The following ICAM4 variants were observed in gnomAD, a reference collection of about 807,000 sequenced individuals.
The protein encoded by ICAM4 is intercellular adhesion molecule 4 (Landsteiner-Wiener blood group), also known as intercellular adhesion molecule 4.
A neutral mutation model predicts 18.8 loss-of-function variants in ICAM4; 16 were observed. The ratio of observed to expected loss-of-function variants is 0.85; its 90% confidence interval spans 0.58 to 1.29. The LOEUF (loss-of-function observed/expected upper bound fraction) is 1.29, where lower values mean the gene tolerates loss of function less well. Among genes scored for constraint, ICAM4 ranks in the 50% most tolerant of loss-of-function variants. The probability of loss-of-function intolerance (pLI) is 0.00; values close to 1 mark genes in which losing one functional copy is unlikely to be tolerated. For synonymous variants in ICAM4, 163 were observed against 163.2 expected (o/e 1.00, Z 0.01); for missense variants, 338 against 364.3 (o/e 0.93, Z 0.59).
In ICAM4 at chr19:10,288,032, C is replaced by T. The variant is rs773015279; in HGVS notation, c.744C>T (p.Ala248=). The T allele has an allele frequency of 6.2e-7, 1 of 1,614,158 alleles. No homozygotes were observed. ...CTTTGGCCTCCGGTTCCATCGCTGCCCTTGTAGGGATCCTCCTCACTGTGG... is the reference window on the plus strand; with the variant it reads ...CTTTGGCCTCCGGTTCCATCGCTGCTCTTGTAGGGATCCTCCTCACTGTGG... The part of the protein sequence containing the change: ...PTALASGSIA[A]LVGILLTVGA... Residue 248 remains alanine, a synonymous_variant, in exon 3 of 3, where the codon GCC becomes GCT. Coordinates refer to ENST00000380770, the MANE Select transcript of ICAM4 (RefSeq NM_001544.5).
Position 10,288,232 on chromosome 19 carries a change from G to C in ICAM4, c.*128G>C. On this transcript the variant is annotated 3_prime_UTR_variant, in exon 3 of 3. Transcript: ENST00000380770. Reference sequence around the variant, plus strand: ...GGAGGCCGAGGCAGGAGAATCGCTTGAGCCCAGGAGTTCGAGACCAGCCTG... The same window carrying C: ...GGAGGCCGAGGCAGGAGAATCGCTTCAGCCCAGGAGTTCGAGACCAGCCTG... 1 of 1,464,840 alleles carries C rather than the reference G, an allele frequency of 6.8e-7. No homozygotes were observed. Among genetic ancestry groups the C allele is most frequent in the African/African-American group, 1.4e-5 (1 of 72,228 alleles). 90.7% of individuals were successfully genotyped at this position (1,464,840 alleles called of 1,614,324 possible).
At position 10,287,554 on chromosome 19, in the gene ICAM4, T is replaced by C. The variant is rs147458509; in HGVS notation, c.413T>C (p.Ile138Thr). The change falls in exon 2 of 3, where the codon ATT becomes ACT. Residue 138 changes from isoleucine (I) to threonine (T), a missense_variant. By Grantham distance (89) the Ile-to-Thr change is moderately conservative. Coordinates refer to ENST00000380770, the MANE Select transcript of ICAM4 (RefSeq NM_001544.5). This position sits in a 1 kb window ranked among gnomAD's most constrained non-coding sequence, Gnocchi z 8.7. ...ITAYKPPHSV[I>T]LEPPVLKGRK... ...GCCTTAGAACCGCCCCACAGCGTGA[T>C]TTTGGAGCCTCCGGTCTTAAAGGGC... 8.1e-6 allele frequency: 13 copies of C among 1,613,212 alleles called. No individual in the cohort carries two copies. Among genetic ancestry groups the C allele is most frequent in the Non-Finnish European group, 1.1e-5 (13 of 1,179,542 alleles).
chr19:10,287,538 C>T lies in ICAM4; in HGVS notation c.397C>T (p.Pro133Ser), dbSNP rs2040126848. The part of the protein sequence containing the change: ...WATSRITAYK[P>S]PHSVILEPPV... ...TCAGAGGCTCCCCCTTGCCTTAGAACCGCCCCACAGCGTGATTTTGGAGCC... is the reference window on the plus strand; with the variant it reads ...TCAGAGGCTCCCCCTTGCCTTAGAATCGCCCCACAGCGTGATTTTGGAGCC... The change falls in exon 2 of 3, where the codon CCG becomes TCG. Residue 133 changes from proline (P) to serine (S), a missense_variant and splice_region_variant. Transcript: ENST00000380770. This position sits in a 1 kb window ranked among gnomAD's most constrained non-coding sequence, Gnocchi z 8.7. 1.2e-6 allele frequency: 2 copies of T among 1,612,576 alleles called. No individual in the cohort carries two copies. The highest frequency in any genetic ancestry group is 3.3e-5 in the Admixed American group (2 of 59,926).
chr19:10,287,014 T>TG lies in ICAM4; in HGVS notation c.6dup (p.Ser3_?2), dbSNP rs760719032. ...GCCCCTTAGTCCGGGCTTTTTGCCA[T>TG]GGGGTCTCTGTTCCCTCTGTCGCTG... On this transcript the variant is annotated frameshift_variant and start_lost, in exon 1 of 3. Transcript: ENST00000380770. LOFTEE classifies it high-confidence loss of function. This position sits in a 1 kb window ranked among gnomAD's most constrained non-coding sequence, Gnocchi z 8.7. The TG allele has an allele frequency of 6.6e-7, 1 of 1,515,642 alleles. No individual in the cohort carries two copies. Among genetic ancestry groups the TG allele is most frequent in the Non-Finnish European group, 8.8e-7 (1 of 1,134,472 alleles). The allele number at this position is 1,515,642 out of a possible 1,614,324, so 93.9% of individuals were successfully genotyped here.
chr19:10,288,298 A>C lies in ICAM4; in HGVS notation c.*194A>C. 7.3e-6 allele frequency: 6 copies of C among 822,790 alleles called. No individual in the cohort carries two copies. Among genetic ancestry groups the C allele is most frequent in the Non-Finnish European group, 9.8e-6 (5 of 512,008 alleles). The allele number at this position is 822,790 out of a possible 1,614,324, so 51.0% of individuals were successfully genotyped here. On this transcript the variant is annotated 3_prime_UTR_variant, in exon 3 of 3. Transcript: ENST00000380770. ...CCCCGTCTATGCAAAAAATACACAA[A>C]TTAGCCTGGTGTGGTGGCCCGCACC... is the stretch of plus-strand genomic sequence containing the variant.
At position 10,287,961 on chromosome 19, in the gene ICAM4, C is replaced by G. The variant is rs1191194178; in HGVS notation, c.698-25C>G. 4 of 1,613,814 alleles carry G rather than the reference C, an allele frequency of 2.5e-6. No individual in the cohort carries two copies. The African/African-American group carries it at 4.0e-5, about 16-fold the overall frequency. The stretch of plus-strand genomic sequence containing the variant: ...TCGACAGACCTCCCTGTGTTCCGTT[C>G]CTAATTCTCGCCTTCTGCTCCCAGC... On this transcript the variant is annotated intron_variant, in intron 2 of 2. Coordinates refer to ENST00000380770, the MANE Select transcript of ICAM4 (RefSeq NM_001544.5). This position sits in a 1 kb window ranked among gnomAD's most constrained non-coding sequence, Gnocchi z 8.7.
Position 10,287,983 on chromosome 19 carries a change from C to T in ICAM4, c.698-3C>T. On this transcript the variant is annotated splice_polypyrimidine_tract_variant and splice_region_variant and intron_variant, in intron 2 of 2. Coordinates refer to ENST00000380770, the MANE Select transcript of ICAM4 (RefSeq NM_001544.5). This position sits in a 1 kb window ranked among gnomAD's most constrained non-coding sequence, Gnocchi z 8.7. ...GTTCCTAATTCTCGCCTTCTGCTCC[C>T]AGCTTGGAGCCCCGCGCCCACAGCT... 6.2e-7 allele frequency: 1 copy of T among 1,614,094 alleles called. No individual in the cohort carries two copies. Among genetic ancestry groups the T allele is most frequent in the Non-Finnish European group, 8.5e-7 (1 of 1,180,010 alleles).
Position 10,287,485 on chromosome 19 carries a change from C to G in ICAM4, c.395-51C>G. On this transcript the variant is annotated intron_variant, in intron 1 of 2. Coordinates refer to ENST00000380770, the MANE Select transcript of ICAM4 (RefSeq NM_001544.5). This position sits in a 1 kb window ranked among gnomAD's most constrained non-coding sequence, Gnocchi z 8.7. ...GTGGGGGAAGGGTAGTTGACAGTCG[C>G]TCTATAGGGAGCGCCCGCGGACCTC... is the stretch of plus-strand genomic sequence containing the variant. 1 of 1,597,740 alleles carries G rather than the reference C, an allele frequency of 6.3e-7. No individual in the cohort carries two copies. The highest frequency in any genetic ancestry group is 8.5e-7 in the Non-Finnish European group (1 of 1,171,154).
Position 10,287,818 on chromosome 19 carries a change from C to T in ICAM4, c.677C>T (p.Ala226Val), listed in dbSNP as rs1211144226. 1.9e-6 allele frequency: 3 copies of T among 1,611,978 alleles called. No homozygotes were observed. The highest frequency in any genetic ancestry group is 3.3e-5 in the Admixed American group (2 of 60,000). Residue 226 changes from alanine (A) to valine (V), a missense_variant, in exon 2 of 3, where the codon GCA becomes GTA. Physicochemically the swap from Ala to Val is moderately conservative, Grantham distance 64 (BLOSUM62 0). Coordinates refer to ENST00000380770, the MANE Select transcript of ICAM4 (RefSeq NM_001544.5). The surrounding 1 kb of genome is among the most constrained non-coding windows in gnomAD (Gnocchi z 8.7). ...GGCCTGGTGGTCCGCAACAGCTCGG[C>T]ACCCATTACACTGATGCTCGGTGAG... is the stretch of plus-strand genomic sequence containing the variant. ...LDGLVVRNSSAPITLMLAWSP... is the reference protein window; with the variant it reads ...LDGLVVRNSSVPITLMLAWSP...
In ICAM4 at chr19:10,287,915, C is replaced by G; in HGVS notation, c.698-71C>G. 1 of 1,610,176 alleles carries G rather than the reference C, an allele frequency of 6.2e-7. No individual in the cohort carries two copies. The highest frequency in any genetic ancestry group is 8.5e-7 in the Non-Finnish European group (1 of 1,178,556). ...TATGACCCCGAGAGGGCGCACAGAC[C>G]AAGCGTGAGCTCCACGCGGGTCGAC... On this transcript the variant is annotated intron_variant, in intron 2 of 2. Coordinates refer to ENST00000380770, the MANE Select transcript of ICAM4 (RefSeq NM_001544.5). The surrounding 1 kb of genome is among the most constrained non-coding windows in gnomAD (Gnocchi z 8.7).
rs755474815 is a variant in ICAM4 at position 10,287,093 on chromosome 19, G to C, written c.81G>C (p.Arg27=). Residue 27 remains arginine (R), a synonymous_variant, in exon 1 of 3, where the codon CGG becomes CGC. Transcript: ENST00000380770. The surrounding 1 kb of genome is among the most constrained non-coding windows in gnomAD (Gnocchi z 8.7). ...YPGVGSALGR[R]TKRAQSPKGS... ...GAGTTGGGAGCGCGCTGGGACGCCG[G>C]ACTAAGCGGGCGCAAAGCCCCAAGG... is the stretch of plus-strand genomic sequence containing the variant. The C allele has an allele frequency of 6.9e-6, 11 of 1,598,222 alleles. No homozygotes were observed. The highest frequency in any genetic ancestry group is 8.5e-6 in the Non-Finnish European group (10 of 1,169,874).
chr19:10,287,116 A>C lies in ICAM4; in HGVS notation c.104A>C (p.Lys35Thr). The C allele has an allele frequency of 6.2e-7, 1 of 1,607,156 alleles. No individual in the cohort carries two copies. Among genetic ancestry groups the C allele is most frequent in the Non-Finnish European group, 8.5e-7 (1 of 1,175,932 alleles). ...GRRTKRAQSP[K>T]GSPLAPSGTS... ...CGGACTAAGCGGGCGCAAAGCCCCA[A>C]GGGTAGCCCTCTCGCGCCCTCCGGG... Residue 35 changes from lysine to threonine, a missense_variant, in exon 1 of 3, where the codon AAG becomes ACG. Coordinates refer to ENST00000380770, the MANE Select transcript of ICAM4 (RefSeq NM_001544.5). This position sits in a 1 kb window ranked among gnomAD's most constrained non-coding sequence, Gnocchi z 8.7.
At position 10,287,880 on chromosome 19, in the gene ICAM4, C is replaced by A; in HGVS notation, c.697+42C>A. On this transcript the variant is annotated intron_variant, in intron 2 of 2. Transcript: ENST00000380770. This position sits in a 1 kb window ranked among gnomAD's most constrained non-coding sequence, Gnocchi z 8.7. ...ACCCTGGGGACTAGGAGGAAGGGGGCAGAGAGAGTTATGACCCCGAGAGGG... is the reference window on the plus strand; with the variant it reads ...ACCCTGGGGACTAGGAGGAAGGGGGAAGAGAGAGTTATGACCCCGAGAGGG... The A allele has an allele frequency of 1.2e-6, 2 of 1,607,204 alleles. No homozygotes were observed. Among genetic ancestry groups the A allele is most frequent in the Non-Finnish European group, 1.7e-6 (2 of 1,178,292 alleles).
In ICAM4 at chr19:10,286,996, A is replaced by G. The variant is rs750549738; in HGVS notation, c.-17A>G. On this transcript the variant is annotated 5_prime_UTR_variant, in exon 1 of 3. Transcript: ENST00000380770. The stretch of plus-strand genomic sequence containing the variant: ...CTGGCTCTCTGGCGCGGGGCCCCTT[A>G]GTCCGGGCTTTTTGCCATGGGGTCT... 44 of 1,493,222 alleles carry G rather than the reference A, an allele frequency of 2.9e-5. No individual in the cohort carries two copies. The highest frequency in any genetic ancestry group is 5.6e-5 in the African/African-American group (4 of 71,442). 92.5% of individuals were successfully genotyped at this position (1,493,222 alleles called of 1,614,324 possible).
rs200228336 is a variant in ICAM4, at chr19:10,287,981, C to T, written c.698-5C>T. 1.9e-6 allele frequency: 3 copies of T among 1,614,096 alleles called. No individual in the cohort carries two copies. The Admixed American group carries it at 5.0e-5, about 27-fold the overall frequency. ...CCGTTCCTAATTCTCGCCTTCTGCT[C>T]CCAGCTTGGAGCCCCGCGCCCACAG... On this transcript the variant is annotated splice_polypyrimidine_tract_variant and splice_region_variant and intron_variant, in intron 2 of 2. Transcript: ENST00000380770. This position sits in a 1 kb window ranked among gnomAD's most constrained non-coding sequence, Gnocchi z 8.7.
rs1455247648 is a variant in ICAM4 at position 10,287,963 on chromosome 19, T to G, written c.698-23T>G. 1 of 1,613,960 alleles carries G rather than the reference T, an allele frequency of 6.2e-7. No individual in the cohort carries two copies. The highest frequency in any genetic ancestry group is 2.2e-5 in the East Asian group (1 of 44,864). Reference sequence around the variant, plus strand: ...GACAGACCTCCCTGTGTTCCGTTCCTAATTCTCGCCTTCTGCTCCCAGCTT... The same window carrying G: ...GACAGACCTCCCTGTGTTCCGTTCCGAATTCTCGCCTTCTGCTCCCAGCTT... On this transcript the variant is annotated intron_variant, in intron 2 of 2. Transcript: ENST00000380770. This position sits in a 1 kb window ranked among gnomAD's most constrained non-coding sequence, Gnocchi z 8.7.
At position 10,287,062 on chromosome 19, in the gene ICAM4, A is replaced by C; in HGVS notation, c.50A>C (p.Tyr17Ser). ...CTGCTGTTTTTTTTGGCGGCCGCCT[A>C]CCCGGGAGTTGGGAGCGCGCTGGGA... is the stretch of plus-strand genomic sequence containing the variant. The part of the protein sequence containing the change: ...LSLLFFLAAA[Y>S]PGVGSALGRR... The change falls in exon 1 of 3, where the codon TAC becomes TCC. Residue 17 changes from tyrosine to serine, a missense_variant. Physicochemically the swap from Tyr to Ser is moderately radical, Grantham distance 144. Coordinates refer to ENST00000380770, the MANE Select transcript of ICAM4 (RefSeq NM_001544.5). This position sits in a 1 kb window ranked among gnomAD's most constrained non-coding sequence, Gnocchi z 8.7. The C allele has an allele frequency of 6.3e-7, 1 of 1,578,474 alleles. No homozygotes were observed.
rs1183119337 is a variant in ICAM4 at position 10,287,067 on chromosome 19, G to A, written c.55G>A (p.Gly19Arg). Residue 19 changes from glycine (G) to arginine (R), a missense_variant, in exon 1 of 3, where the codon GGA becomes AGA. Transcript: ENST00000380770. The surrounding 1 kb of genome is among the most constrained non-coding windows in gnomAD (Gnocchi z 8.7). ...GTTTTTTTTGGCGGCCGCCTACCCG[G>A]GAGTTGGGAGCGCGCTGGGACGCCG... ...LLFFLAAAYP[G>R]VGSALGRRTK... 8.2e-6 allele frequency: 13 copies of A among 1,584,368 alleles called. No individual in the cohort carries two copies. Among genetic ancestry groups the A allele is most frequent in the Non-Finnish European group, 1.1e-5 (13 of 1,163,034 alleles).
In ICAM4 at chr19:10,287,645, G is replaced by T. The variant is rs1179419507; in HGVS notation, c.504G>T (p.Leu168=). 6.2e-6 allele frequency: 10 copies of T among 1,614,018 alleles called. No individual in the cohort carries two copies. Among genetic ancestry groups the T allele is most frequent in the Non-Finnish European group, 8.5e-6 (10 of 1,180,032 alleles). ...VFPVGYLVVT[L]RHGSRVIYSE... is the part of the protein sequence containing the mutation. The stretch of plus-strand genomic sequence containing the variant: ...CGGTGGGCTACTTGGTGGTGACCCT[G>T]AGGCATGGAAGCCGGGTCATCTATT... Residue 168 remains leucine, a synonymous_variant, in exon 2 of 3, where the codon CTG becomes CTT. Transcript: ENST00000380770. The surrounding 1 kb of genome is among the most constrained non-coding windows in gnomAD (Gnocchi z 8.7).
Sources: gnomAD v4.1 joint callset for allele counts on GRCh38, gnomAD v4.1.1 for gene constraint, Gnocchi (gnomAD v3.1) non-coding constraint, MANE v1.5 for transcripts, NCBI Gene and HGNC (gene_info 2026-07-23, HGNC 2026-07-21) for gene names.